Variants in FREM2 observed in about 807,000 individuals in gnomAD.
FREM2 encodes FRAS1 related extracellular matrix 2, also known as FRAS1-related extracellular matrix protein 2.
In FREM2, 119 loss-of-function variants were observed where a neutral mutation model predicts 219.9. That is an observed-to-expected ratio of 0.54 (90% confidence interval 0.47 to 0.63). The LOEUF (loss-of-function observed/expected upper bound fraction) is 0.63. FREM2 is among the 30% of genes least tolerant of loss of function. The pLI is 0.00. For missense variants in FREM2, 4,030 were observed against 3,993.6 expected (o/e 1.01, Z -0.25); for synonymous variants, 1,562 against 1,522.8 (o/e 1.03, Z -0.60).
At chr13:38,879,696 G>A (rs547007623) in intron 23 of FREM2, among the ~76,000 whole-genome samples, 1 of 152,204 alleles carries the variant, frequency 6.6e-6, no homozygotes, top group Non-Finnish European at 1.5e-5. Flanking sequence ...TTTCAAACAA[G>A]AAGTTGAAGT....
intron 4 of FREM2, among the ~76,000 whole-genome samples, 194 bp from the exon 5 acceptor site, chr13:38,782,876 C>T (rs1049626467): frequency 6.6e-6 from 1 of 152,220 alleles, no homozygotes; most frequent in Non-Finnish European, 1.5e-5. Flanking sequence ...TTTCAGAATT[C>T]ACTGGCCCAG....
At chr13:38,848,351 G>A (rs1418003657) in intron 7 of FREM2, 110 bp from the exon 8 acceptor site, 2 of 813,324 alleles carry the variant, frequency 2.5e-6, no homozygotes, top group Non-Finnish European at 4.2e-6. Flanking sequence ...AGTTATGCTG[G>A]TCTCTATTTT....
At chr13:38,713,214 G>T (rs75607720) in intron 2 of FREM2, among the ~76,000 whole-genome samples, 7,487 of 152,188 alleles carry the variant, frequency 0.049, 599 homozygotes, top group African/African-American at 0.17. Flanking sequence ...ATTTGTAAAT[G>T]AATGAGAACT....
intron 2 of FREM2, among the ~76,000 whole-genome samples, chr13:38,753,191 A>G (rs2137796525): frequency 6.6e-6 from 1 of 152,312 alleles, no homozygotes; most frequent in South Asian, 2.1e-4. Flanking sequence ...TAACTTATAT[A>G]CAAGTGAAAA....
At chr13:38,706,257 T>A (rs1376891415) in intron 2 of FREM2, among the ~76,000 whole-genome samples, 1 of 152,226 alleles carries the variant, frequency 6.6e-6, no homozygotes, top group African/African-American at 2.4e-5. Flanking sequence ...AAGGGTAGTT[T>A]TGATTGCAAA....
In FREM2 at chr13:38,691,914, A is replaced by G. The variant is rs1869889651; in HGVS notation, c.4570A>G (p.Ile1524Val). Residue 1524 changes from isoleucine to valine, a missense_variant, in exon 1 of 24, where the codon ATC becomes GTC. Ile to Val is a conservative substitution (Grantham distance 29). Transcript: ENST00000280481. Reference sequence around the variant, plus strand: ...TAACCCTGTCTTTCGGACATTCCGTATCTCCATTAGCGATGTGGACAATAA... The same window carrying G: ...TAACCCTGTCTTTCGGACATTCCGTGTCTCCATTAGCGATGTGGACAATAA... ...GRNPVFRTFR[I>V]SISDVDNKKP... 2 of 1,614,178 alleles carry G rather than the reference A, an allele frequency of 1.2e-6. No homozygotes were observed. The highest frequency in any genetic ancestry group is 2.2e-5 in the South Asian group (2 of 91,086).
At position 38,692,346 on chromosome 13, in the gene FREM2, C is replaced by T. The variant is rs774212806; in HGVS notation, c.5002C>T (p.Arg1668Cys). 48 of 1,603,984 alleles carry T rather than the reference C, an allele frequency of 3.0e-5. No homozygotes were observed. Among genetic ancestry groups the T allele is most frequent in the East Asian group, 4.5e-5 (2 of 44,766 alleles). Residue 1668 changes from arginine to cysteine, a missense_variant, in exon 1 of 24, where the codon CGC becomes TGC. By Grantham distance (180) the Arg-to-Cys change is radical (BLOSUM62 -3). This residue lies in a region of FREM2 where 3,102 missense variants were observed against 2,950.7 expected (regional missense o/e 1.05). Coordinates refer to ENST00000280481, the MANE Select transcript of FREM2 (RefSeq NM_207361.6). ...AGTGAATAAGGGGGCCTCTACACTTCGCACTCTAGCCACTGGCCACTTGGG... is the reference window on the plus strand; with the variant it reads ...AGTGAATAAGGGGGCCTCTACACTTTGCACTCTAGCCACTGGCCACTTGGG... ...IAVNKGASTLRTLATGHLGFM... is the reference protein window; with the variant it reads ...IAVNKGASTLCTLATGHLGFM...
intron 6 of FREM2, among the ~76,000 whole-genome samples, chr13:38,835,445 A>G (rs1224980073): frequency 2.0e-5 from 3 of 152,180 alleles, no homozygotes; most frequent in Non-Finnish European, 4.4e-5. Flanking sequence ...TTTTGGTTCC[A>G]TATTAAATTT....
At position 38,689,605 on chromosome 13, in the gene FREM2, T is replaced by G; in HGVS notation, c.2261T>G (p.Leu754Arg). The change falls in exon 1 of 24, where the codon CTG becomes CGG. Residue 754 changes from leucine (L) to arginine (R), a missense_variant. Transcript: ENST00000280481. ...CCCACAGACACAGACGAAAATCACC[T>G]GCCAGCCCCACTGGGTACCTTGGTC... ...QPPTDTDENH[L>R]PAPLGTLVLT... The G allele has an allele frequency of 6.2e-7, 1 of 1,613,422 alleles. No individual in the cohort carries two copies. Among genetic ancestry groups the G allele is most frequent in the Non-Finnish European group, 8.5e-7 (1 of 1,179,670 alleles).
chr13:38,819,486 C>G (rs1875931744), intron 6 of FREM2, among the ~76,000 whole-genome samples: 1 of 152,126 alleles, frequency 6.6e-6, no homozygotes, highest in South Asian at 2.1e-4. Flanking sequence ...AGGGCTGGTT[C>G]ACCCAGAAAT....
chr13:38,851,907 C>A (rs781714522), intron 11 of FREM2, 39 bp downstream of exon 11: 2 of 1,561,006 alleles, frequency 1.3e-6, no homozygotes, highest in Admixed American at 1.7e-5. Context: ...ATGGATCATG[C>A]CAACTCTGTG....
intron 16 of FREM2, among the ~76,000 whole-genome samples, chr13:38,872,398 C>A (rs1361075540): frequency 1.3e-5 from 2 of 152,102 alleles, no homozygotes; most frequent in Non-Finnish European, 2.9e-5. Context: ...ATACTAAGAA[C>A]CATTGAACTG....
chr13:38,750,325 C>T (rs888786264), intron 2 of FREM2, among the ~76,000 whole-genome samples: 13 of 152,010 alleles, frequency 8.6e-5, no homozygotes, highest in African/African-American at 1.7e-4. Context: ...TCACGAGATC[C>T]GATGGTTTTT....
rs142510295 is a variant in FREM2 at position 38,800,179 on chromosome 13, A to T, written c.6019+15371A>T. On this transcript the variant is annotated intron_variant, in intron 6 of 23. Coordinates refer to ENST00000280481, the MANE Select transcript of FREM2 (RefSeq NM_207361.6). ...TTTTACAGTTTTGTGTGTTTTCATG[A>T]TGGTGAAAGTCGTCTTTTCACTTAC... 4.1e-4 allele frequency among the ~76,000 whole-genome samples: 63 copies of T among 152,100 alleles called. No homozygotes were observed. In the East Asian group the frequency reaches 0.011, roughly 28 times the overall value.
chr13:38,828,000 A>G (rs1342250278), intron 6 of FREM2, among the ~76,000 whole-genome samples: 1 of 152,206 alleles, frequency 6.6e-6, no homozygotes, highest in African/African-American at 2.4e-5. Context: ...ATGAGTACCA[A>G]GAAGGAGTCT....
At chr13:38,786,254 G>T (rs1018699636) in intron 6 of FREM2, among the ~76,000 whole-genome samples, 1 of 151,882 alleles carries the variant, frequency 6.6e-6, no homozygotes, top group Non-Finnish European at 1.5e-5. Context: ...GTGTATCATT[G>T]TGCTTTATCA....
intron 6 of FREM2, among the ~76,000 whole-genome samples, chr13:38,790,226 A>G (rs1874505614): frequency 6.6e-6 from 1 of 152,180 alleles, no homozygotes; most frequent in South Asian, 2.1e-4. Context: ...TCTAACTCAC[A>G]CATCTCCTCT....
chr13:38,876,347 C>T lies in FREM2; in HGVS notation c.8509C>T (p.Pro2837Ser), dbSNP rs766715445. ...GCCAGTCACCTGCAACCCCAGAGAACCTGTCACCTTTGACCTTGACATCCG... is the reference window on the plus strand; with the variant it reads ...GCCAGTCACCTGCAACCCCAGAGAATCTGTCACCTTTGACCTTGACATCCG... ...RLPVTCNPRE[P>S]VTFDLDIRFQ... Residue 2837 changes from proline (P) to serine (S), a missense_variant, in exon 20 of 24, where the codon CCT (proline) becomes TCT (serine). Pro to Ser is a moderately conservative substitution (Grantham distance 74, BLOSUM62 -1). This residue lies in a region of FREM2 where 928 missense variants were observed against 1,042.9 expected (regional missense o/e 0.89). Coordinates refer to ENST00000280481, the MANE Select transcript of FREM2 (RefSeq NM_207361.6). 5.1e-5 allele frequency: 82 copies of T among 1,613,808 alleles called. No homozygotes were observed. Among genetic ancestry groups the T allele is most frequent in the Admixed American group, 1.7e-5 (1 of 59,992 alleles).
intron 16 of FREM2, among the ~76,000 whole-genome samples, chr13:38,869,806 T>C (rs1324362340): frequency 1.3e-5 from 2 of 152,156 alleles, no homozygotes; most frequent in Non-Finnish European, 2.9e-5. Flanking sequence ...TTAAATTAAG[T>C]TCTTAGAACT....
Sources: allele counts gnomAD v4.1 joint callset (sites outside exome capture counted in the v4.1 genomes callset), GRCh38; gene constraint gnomAD v4.1.1; regional missense constraint gnomAD v4.1.1; transcripts MANE v1.5; gene names NCBI Gene and HGNC (gene_info 2026-07-23, HGNC 2026-07-21).